The following CCNDBP1 variants were observed in gnomAD, a reference collection of about 807,000 sequenced individuals.
The protein encoded by CCNDBP1 is cyclin-D1-binding protein 1.
In CCNDBP1, 45 loss-of-function variants were observed where a neutral mutation model predicts 46.2. That is an observed-to-expected ratio of 0.97 (90% CI 0.77 to 1.25). CCNDBP1 has a LOEUF of 1.25. Ranked by LOEUF, CCNDBP1 falls within the 50% of genes most tolerant of loss-of-function variation. CCNDBP1 has a pLI of 0.00. For synonymous variants in CCNDBP1, 154 were observed against 163.6 expected, an observed-to-expected ratio of 0.94 and a Z score of 0.45; for missense variants, 436 against 442.1, an observed-to-expected ratio of 0.99 and a Z score of 0.12.
At position 43,194,447 on chromosome 15, in the gene CCNDBP1, A is replaced by G. The variant is rs1567266219; in HGVS notation, c.954A>G (p.Ala318=). The change falls in exon 10 of 11, where the codon GCA becomes GCG. Residue 318 remains alanine, a synonymous_variant. Transcript: ENST00000300213. ...AACTTGTATCTGTTTTAAAGAAGGC[A>G]CTTGAAATTACAAAGTAAGTATGAA... ...SAKLVSVLKK[A]LEITKASHVT... is the part of the protein sequence containing the mutation. The G allele has an allele frequency of 6.2e-7, 1 of 1,606,142 alleles. No individual in the cohort carries two copies.
intron 4 of CCNDBP1, chr15:43,189,589 G>A: frequency 2.8e-6 from 1 of 351,790 alleles, no homozygotes; most frequent in South Asian, 5.1e-5. Context: ...CCATATGCAG[G>A]CTCAGGCCAT....
At position 43,191,412 on chromosome 15, in the gene CCNDBP1, C is replaced by T. The variant is rs779738641; in HGVS notation, c.597C>T (p.Asp199=). The part of the protein sequence containing the change: ...EEMEQAVEEC[D]PYSGLLNDTE... ...TGTCTTAGGCTGTGGAAGAATGTGA[C>T]CCTTACTCTGGCCTCTTGAATGATA... Residue 199 remains aspartate, a synonymous_variant, in exon 8 of 11, where the codon GAC becomes GAT. Transcript: ENST00000300213. 1.9e-6 allele frequency: 3 copies of T among 1,601,464 alleles called. No individual in the cohort carries two copies. The African/African-American group carries it at 4.1e-5, about 22-fold the overall frequency.
At position 43,191,383 on chromosome 15, in the gene CCNDBP1, G is replaced by C; in HGVS notation, c.580-12G>C. On this transcript the variant is annotated splice_polypyrimidine_tract_variant and intron_variant, in intron 7 of 10. Coordinates refer to ENST00000300213, the MANE Select transcript of CCNDBP1 (RefSeq NM_012142.5). ...TTTTTTTTGCATTCACATACATCATGGTATGTCTTAGGCTGTGGAAGAATG... is the reference window on the plus strand; with the variant it reads ...TTTTTTTTGCATTCACATACATCATCGTATGTCTTAGGCTGTGGAAGAATG... The C allele has an allele frequency of 6.3e-6, 8 of 1,271,842 alleles. No homozygotes were observed. The highest frequency in any genetic ancestry group is 8.8e-6 in the Non-Finnish European group (8 of 911,514). 78.8% of individuals were successfully genotyped at this position (1,271,842 alleles called of 1,614,324 possible). A position where few individuals can be genotyped will look rare whatever the true frequency, so the allele number is the denominator to read the frequency against.
Position 43,189,224 on chromosome 15 carries a change from TC to T in CCNDBP1, c.277del (p.His93MetfsTer22). Reference sequence around the variant, plus strand: ...GAAACCCAGAAGTTCTGTGAACAAGTCCATGCTGCCATCAAGGCATTTATTG... The same window carrying T: ...GAAACCCAGAAGTTCTGTGAACAAGTCATGCTGCCATCAAGGCATTTATTG... ...PQETQKFCEQVHAAIKAFIAV... is the reference protein window; with the variant it reads ...PQETQKFCEQXHAAIKAFIAV... On this transcript the variant is annotated frameshift_variant, in exon 4 of 11. Transcript: ENST00000300213. LOFTEE classifies it high-confidence loss of function. The T allele has an allele frequency of 6.2e-7, 1 of 1,612,674 alleles. No homozygotes were observed. Among genetic ancestry groups the T allele is most frequent in the South Asian group, 1.1e-5 (1 of 90,812 alleles).
intron 4 of CCNDBP1, 133 bp downstream of exon 4, chr15:43,189,413 A>C (rs1161471311): frequency 1.2e-5 from 7 of 562,374 alleles, no homozygotes; most frequent in Non-Finnish European, 2.2e-5. Flanking sequence ...ATAATTTTGT[A>C]ATGTAAGTGA....
intron 1 of CCNDBP1, 82 bp downstream of exon 1, chr15:43,185,689 C>CCGGGCTCGGGGTCGGGGAGAGGG: frequency 7.2e-7 from 1 of 1,388,064 alleles, no homozygotes; most frequent in South Asian, 1.3e-5. Context: ...CGGGGAGAGG[C>CCGGGCTCGGGGTCGGGGAGAGGG]CGGGCTCGGG....
chr15:43,194,585 C>A, intron 10 of CCNDBP1, 124 bp downstream of exon 10: 1 of 1,027,004 alleles, frequency 9.7e-7, no homozygotes, highest in Non-Finnish European at 1.4e-6. Flanking sequence ...TTTCTTTCAG[C>A]TTCAGTTGTG....
chr15:43,190,093 G>A lies in CCNDBP1; in HGVS notation c.370G>A (p.Asp124Asn), dbSNP rs370265385. Residue 124 changes from aspartate to asparagine, a missense_variant, in exon 5 of 11, where the codon GAC becomes AAC. Transcript: ENST00000300213. ...AAAGCTGGTACGGGGCGCCACCCTGGACATCGTGGATGGCATGGCTCAGCT... is the reference window on the plus strand; with the variant it reads ...AAAGCTGGTACGGGGCGCCACCCTGAACATCGTGGATGGCATGGCTCAGCT... ...LRKLVRGATL[D>N]IVDGMAQLME... 1.6e-4 allele frequency: 259 copies of A among 1,614,032 alleles called. No homozygotes were observed. Among genetic ancestry groups the A allele is most frequent in the Non-Finnish European group, 2.0e-4 (238 of 1,180,042 alleles).
At chr15:43,190,744 C>T (rs1481045146) in intron 6 of CCNDBP1, among the ~76,000 whole-genome samples, 1 of 152,134 alleles carries the variant, frequency 6.6e-6, no homozygotes, top group Non-Finnish European at 1.5e-5. Flanking sequence ...TGATGATAAA[C>T]ATCATGTGAC....
rs746130080 is a variant in CCNDBP1, at chr15:43,191,574, C to A, written c.759C>A (p.Ala253=). ...TTGCGCTGGTGAGAGCATCCAAAGC[C>A]TGCCTGAAGAAAATTCGGATGTTAG... is the stretch of plus-strand genomic sequence containing the variant. The part of the protein sequence containing the change: ...PCLALVRASK[A]CLKKIRMLVA... The change falls in exon 8 of 11, where the codon GCC becomes GCA. Residue 253 remains alanine, a synonymous_variant. Coordinates refer to ENST00000300213, the MANE Select transcript of CCNDBP1 (RefSeq NM_012142.5). The A allele has an allele frequency of 1.9e-6, 3 of 1,613,914 alleles. No individual in the cohort carries two copies. The African/African-American group carries it at 4.0e-5, about 22-fold the overall frequency.
intron 8 of CCNDBP1, among the ~76,000 whole-genome samples, chr15:43,192,330 G>A (rs1423387269): frequency 6.6e-6 from 1 of 152,136 alleles, no homozygotes; most frequent in African/African-American, 2.4e-5. Flanking sequence ...TATTAGGGAG[G>A]CACATGATGT....
rs1381980968 is a variant in CCNDBP1 at position 43,191,667 on chromosome 15, C to T, written c.852C>T (p.Ile284=). The part of the protein sequence containing the change: ...LDDIVDISDE[I]SPSVDDLALS... ...ACATTGTGGATATTTCTGATGAAATCAGCCCTAGGTAAGCGGGATCCCCAC... is the reference window on the plus strand; with the variant it reads ...ACATTGTGGATATTTCTGATGAAATTAGCCCTAGGTAAGCGGGATCCCCAC... Residue 284 remains isoleucine, a synonymous_variant, in exon 8 of 11, where the codon ATC becomes ATT. Transcript: ENST00000300213. 6.2e-7 allele frequency: 1 copy of T among 1,604,232 alleles called. No individual in the cohort carries two copies. Among genetic ancestry groups the T allele is most frequent in the Non-Finnish European group, 8.5e-7 (1 of 1,179,842 alleles).
At chr15:43,190,932 T>C (rs1479682396) in intron 6 of CCNDBP1, 34 bp from the exon 7 acceptor site, 1 of 1,556,898 alleles carries the variant, frequency 6.4e-7, no homozygotes, top group African/African-American at 1.4e-5. Flanking sequence ...GGATTTCTCC[T>C]CTAATTCTAG....
In CCNDBP1 at chr15:43,194,477, T is replaced by C; in HGVS notation, c.968+16T>C. ...AAATTACAAAGTAAGTATGAAGACTTCTCAGATAGCTTTTTGTGAGTAAAA... is the reference window on the plus strand; with the variant it reads ...AAATTACAAAGTAAGTATGAAGACTCCTCAGATAGCTTTTTGTGAGTAAAA... On this transcript the variant is annotated intron_variant, in intron 10 of 10. Transcript: ENST00000300213. 1 of 1,595,138 alleles carries C rather than the reference T, an allele frequency of 6.3e-7. No homozygotes were observed. The highest frequency in any genetic ancestry group is 1.1e-5 in the South Asian group (1 of 87,916).
intron 1 of CCNDBP1, 71 bp from the exon 2 acceptor site, chr15:43,185,749 A>C: frequency 6.5e-7 from 1 of 1,527,540 alleles, no homozygotes; most frequent in Non-Finnish European, 8.8e-7. Flanking sequence ...GGCTTGGGCG[A>C]GGGAGGTGGC....
At chr15:43,186,969 C>T (rs2041859791) in intron 3 of CCNDBP1, among the ~76,000 whole-genome samples, 1 of 152,084 alleles carries the variant, frequency 6.6e-6, no homozygotes, top group South Asian at 2.1e-4. Context: ...GAAAAAATTC[C>T]CGGAAGTAGA....
rs1200733865 is a variant in CCNDBP1, at chr15:43,185,459, A to G, written c.-40A>G. 6.8e-7 allele frequency: 1 copy of G among 1,468,280 alleles called. No homozygotes were observed. Among genetic ancestry groups the G allele is most frequent in the African/African-American group, 1.4e-5 (1 of 71,828 alleles). 91.0% of individuals were successfully genotyped at this position (1,468,280 alleles called of 1,614,324 possible). A position where few individuals can be genotyped will look rare whatever the true frequency, so the allele number is the denominator to read the frequency against. On this transcript the variant is annotated 5_prime_UTR_variant, in exon 1 of 11. Coordinates refer to ENST00000300213, the MANE Select transcript of CCNDBP1 (RefSeq NM_012142.5). Reference sequence around the variant, plus strand: ...GTCGCAGTGCGGCTCCGGCAGTGGCAGCGGAGGCCTGTGTTTGCGGCCTTC... The same window carrying G: ...GTCGCAGTGCGGCTCCGGCAGTGGCGGCGGAGGCCTGTGTTTGCGGCCTTC...
intron 10 of CCNDBP1, 104 bp downstream of exon 10, chr15:43,194,565 G>C (rs1388747637): frequency 2.9e-6 from 3 of 1,049,562 alleles, no homozygotes; most frequent in African/African-American, 1.6e-5. Flanking sequence ...GGAAAGGGTG[G>C]GTGTGGGATT....
At chr15:43,194,547 A>C in intron 10 of CCNDBP1, 86 bp downstream of exon 10, 2 of 1,144,238 alleles carry the variant, frequency 1.7e-6, no homozygotes, top group Non-Finnish European at 2.5e-6. Context: ...CTCCCATTTC[A>C]AGGAGTGGGA....
Sources: allele counts gnomAD v4.1 joint callset (sites outside exome capture counted in the v4.1 genomes callset), GRCh38; gene constraint gnomAD v4.1.1; transcripts MANE v1.5; gene names NCBI Gene and HGNC (gene_info 2026-07-23, HGNC 2026-07-21).